Variants in SNTB1 observed in about 807,000 individuals in gnomAD.
The protein encoded by SNTB1 is syntrophin beta 1, also known as beta-1-syntrophin.
Under a neutral mutation model 48.9 loss-of-function variants are expected in SNTB1, and 36 were observed. That is an observed-to-expected ratio of 0.74 (90% CI 0.56 to 0.97). The LOEUF (loss-of-function observed/expected upper bound fraction) is 0.97, where lower values mean the gene tolerates loss of function less well. Ranked by LOEUF, SNTB1 falls within the 50% of genes least tolerant of loss-of-function variation. The pLI is 0.00. For missense variants in SNTB1, 786 were observed against 703.4 expected (o/e 1.12, Z -1.33); for synonymous variants, 299 against 294.6 (o/e 1.01, Z -0.15).
At chr8:120,568,246 T>C (rs1815784957) in intron 4 of SNTB1, among the ~76,000 whole-genome samples, 1 of 151,858 alleles carries the variant, frequency 6.6e-6, no homozygotes, top group African/African-American at 2.4e-5. Context: ...GAGATAAGAG[T>C]TTCTATTTCA....
At chr8:120,579,070 A>G (rs771186854) in intron 3 of SNTB1, among the ~76,000 whole-genome samples, 2 of 152,068 alleles carry the variant, frequency 1.3e-5, no homozygotes, top group Non-Finnish European at 2.9e-5. Context: ...CTAGCTACTC[A>G]GGAAGCTGAG....
intron 4 of SNTB1, among the ~76,000 whole-genome samples, chr8:120,564,564 GTTTT>G (rs71306893): frequency 4.7e-5 from 4 of 84,214 alleles, no homozygotes; most frequent in African/African-American, 9.0e-5. Context: ...TATTATTCTG[GTTTT>G]TTTTTTTTTT....
chr8:120,738,181 A>C (rs1818980527), intron 1 of SNTB1, among the ~76,000 whole-genome samples: 1 of 152,166 alleles, frequency 6.6e-6, no homozygotes, highest in Admixed American at 6.5e-5. Context: ...TATGAACCAT[A>C]AGTGGGCCCT....
At chr8:120,554,508 G>A (rs1815533026) in intron 4 of SNTB1, among the ~76,000 whole-genome samples, 2 of 152,110 alleles carry the variant, frequency 1.3e-5, no homozygotes, top group Non-Finnish European at 2.9e-5. Flanking sequence ...TGGGCGGGGG[G>A]TGCTCCTTAT....
intron 1 of SNTB1, among the ~76,000 whole-genome samples, chr8:120,707,328 A>G (rs1316644613): frequency 4.6e-5 from 7 of 152,168 alleles, no homozygotes; most frequent in African/African-American, 1.7e-4. Context: ...ACTCAGCTCA[A>G]TGGGACTTCA....
chr8:120,623,916 C>T (rs1478364096), intron 3 of SNTB1, among the ~76,000 whole-genome samples: 3 of 152,024 alleles, frequency 2.0e-5, no homozygotes, highest in East Asian at 1.9e-4. Flanking sequence ...AACAGAGTAC[C>T]GTAGACTGGG....
intron 2 of SNTB1, among the ~76,000 whole-genome samples, chr8:120,685,341 G>A (rs73321219): frequency 0.02 from 2,993 of 152,314 alleles, 104 homozygotes; most frequent in African/African-American, 0.066. Context: ...CCCACACGGC[G>A]TCCTTTGAAA....
chr8:120,684,054 T>G (rs1188447000), intron 2 of SNTB1, among the ~76,000 whole-genome samples: 2 of 152,198 alleles, frequency 1.3e-5, no homozygotes, highest in African/African-American at 2.4e-5. Context: ...TTCTGGGGAC[T>G]GGAAAGTCCA....
At chr8:120,667,749 T>C (rs1338990876) in intron 2 of SNTB1, among the ~76,000 whole-genome samples, 2 of 152,194 alleles carry the variant, frequency 1.3e-5, no homozygotes. Context: ...CATCAGTGTT[T>C]TTTTTTCTGG....
intron 2 of SNTB1, among the ~76,000 whole-genome samples, chr8:120,674,469 C>A (rs1436714013): frequency 1.3e-5 from 2 of 152,180 alleles, no homozygotes; most frequent in Non-Finnish European, 2.9e-5. Context: ...AATGTGAAAC[C>A]ACTACATGGT....
chr8:120,575,203 T>C lies in SNTB1; in HGVS notation c.1019A>G (p.Gln340Arg), dbSNP rs1033914737. The change falls in exon 4 of 7, where the codon CAG becomes CGG. Residue 340 changes from glutamine to arginine, a missense_variant. Physicochemically the swap from Gln to Arg is conservative, Grantham distance 43. Coordinates refer to ENST00000517992, the MANE Select transcript of SNTB1 (RefSeq NM_021021.4). ...AEKVPGESKK[Q>R]WKPALVVLTE... is the part of the protein sequence containing the mutation. Reference sequence around the variant, plus strand: ...CAGCACAACCAGGGCTGGTTTCCACTGTTTCTTGCTCTCCCCTGGCACCTG... The same window carrying C: ...CAGCACAACCAGGGCTGGTTTCCACCGTTTCTTGCTCTCCCCTGGCACCTG... The C allele has an allele frequency of 3.7e-6, 6 of 1,614,054 alleles. No homozygotes were observed. Among genetic ancestry groups the C allele is most frequent in the Non-Finnish European group, 4.2e-6 (5 of 1,180,020 alleles).
chr8:120,703,500 G>A (rs977996099), intron 1 of SNTB1, among the ~76,000 whole-genome samples: 2 of 152,188 alleles, frequency 1.3e-5, no homozygotes, highest in African/African-American at 2.4e-5. Flanking sequence ...AGGCCAGAGA[G>A]TATCAGTCAC....
intron 1 of SNTB1, among the ~76,000 whole-genome samples, chr8:120,806,957 G>A (rs555007718): frequency 1.3e-5 from 2 of 152,262 alleles, no homozygotes; most frequent in African/African-American, 4.8e-5. Context: ...AAGTGATTGT[G>A]ACAGCGAGGT....
chr8:120,554,033 C>A (rs1815525127), intron 4 of SNTB1, among the ~76,000 whole-genome samples: 1 of 152,102 alleles, frequency 6.6e-6, no homozygotes, highest in African/African-American at 2.4e-5. Context: ...ACATATACAT[C>A]AGGTCCTTAA....
In SNTB1 at chr8:120,536,795, GA is replaced by G. The variant is rs1345319953; in HGVS notation, c.*2081del. 7.2e-5 allele frequency: 11 copies of G among 152,080 alleles called. No individual in the cohort carries two copies. Among genetic ancestry groups the G allele is most frequent in the African/African-American group, 2.7e-4 (11 of 41,502 alleles). 9.4% of individuals were successfully genotyped at this position (152,080 alleles called of 1,614,324 possible). A position where few individuals can be genotyped will look rare whatever the true frequency, so the allele number is the denominator to read the frequency against. ...ATAAAGAAATCATATTTGTAATTAT[GA>G]TCATTTTAATTTGTCTATAAATATA... On this transcript the variant is annotated 3_prime_UTR_variant, in exon 7 of 7. Coordinates refer to ENST00000517992, the MANE Select transcript of SNTB1 (RefSeq NM_021021.4).
chr8:120,695,008 G>A (rs548898793), intron 1 of SNTB1, among the ~76,000 whole-genome samples: 1 of 152,182 alleles, frequency 6.6e-6, no homozygotes, highest in East Asian at 1.9e-4. Context: ...AAGTATTTTT[G>A]CCTATTCTGA....
At chr8:120,594,250 GT>G (rs1309613374) in intron 3 of SNTB1, among the ~76,000 whole-genome samples, 1 of 151,728 alleles carries the variant, frequency 6.6e-6, no homozygotes, top group African/African-American at 2.4e-5. Context: ...ATGTATGTAT[GT>G]TTTGAGACAG....
chr8:120,604,457 CT>C (rs60947708), intron 3 of SNTB1, among the ~76,000 whole-genome samples: 82,671 of 132,806 alleles, frequency 0.62, 25,131 homozygotes, highest in Non-Finnish European at 0.7. Context: ...GCTTTTGCTT[CT>C]TTTTTTTTTT....
chr8:120,794,944 G>A (rs1203569810), intron 1 of SNTB1, among the ~76,000 whole-genome samples: 1 of 151,876 alleles, frequency 6.6e-6, no homozygotes, highest in East Asian at 1.9e-4. Flanking sequence ...AGTGACTCCT[G>A]GTTTGCTGCA....
Sources: allele counts gnomAD v4.1 joint callset (sites outside exome capture counted in the v4.1 genomes callset), GRCh38; gene constraint gnomAD v4.1.1; transcripts MANE v1.5; gene names NCBI Gene and HGNC (gene_info 2026-07-23, HGNC 2026-07-21).